RBMS1: variants seen among roughly 807,000 people sequenced by gnomAD.
RBMS1 encodes the protein RNA binding motif single stranded interacting protein 1.
In RBMS1, 17 loss-of-function variants were observed where a neutral mutation model predicts 62.3. The ratio of observed to expected loss-of-function variants is 0.27; its 90% CI spans 0.19 to 0.41. RBMS1 has a LOEUF of 0.41. Among genes scored for constraint, RBMS1 ranks in the 10% least tolerant of loss-of-function variants. The probability of loss-of-function intolerance (pLI) is 1.00; values close to 1 mark genes in which losing one functional copy is unlikely to be tolerated. For synonymous variants in RBMS1, 172 were observed against 170.0 expected (o/e 1.01, Z -0.09); for missense variants, 334 against 504.5 (o/e 0.66, Z 3.24).
intron 1 of RBMS1, among the ~76,000 whole-genome samples, chr2:160,481,982 A>C (rs1454261271): frequency 6.6e-6 from 1 of 152,228 alleles, no homozygotes; most frequent in Non-Finnish European, 1.5e-5. Context: ...GAGTAAGTGC[A>C]TATGTTGAAC....
chr2:160,480,978 G>A, intron 1 of RBMS1, among the ~76,000 whole-genome samples: 1 of 151,400 alleles, frequency 6.6e-6, no homozygotes, highest in East Asian at 1.9e-4. Flanking sequence ...CTACTCAAGA[G>A]GCTGAGGCAT....
At chr2:160,439,230 C>T (rs1004009056) in intron 1 of RBMS1, among the ~76,000 whole-genome samples, 2 of 151,876 alleles carry the variant, frequency 1.3e-5, no homozygotes, top group South Asian at 2.1e-4. Context: ...AGGTGGCTGC[C>T]GGACGGAGAC....
chr2:160,483,352 CATT>C (rs1311654706), intron 1 of RBMS1, among the ~76,000 whole-genome samples: 8 of 152,290 alleles, frequency 5.3e-5, no homozygotes, highest in African/African-American at 1.7e-4. Flanking sequence ...GTTTCAATCT[CATT>C]AGGAGTATAC....
intron 1 of RBMS1, among the ~76,000 whole-genome samples, chr2:160,445,964 G>A (rs1574068955): frequency 6.6e-6 from 1 of 151,680 alleles, no homozygotes; most frequent in Non-Finnish European, 1.5e-5. Flanking sequence ...ATCTGGCTAT[G>A]TTAACTGGAT....
chr2:160,353,941 C>T (rs1692656707), intron 2 of RBMS1, among the ~76,000 whole-genome samples: 1 of 152,058 alleles, frequency 6.6e-6, no homozygotes, highest in Admixed American at 6.6e-5. Flanking sequence ...TTATGATTAT[C>T]CCGACTTTAT....
chr2:160,466,904 C>G (rs964478950), intron 1 of RBMS1, among the ~76,000 whole-genome samples: 1 of 152,174 alleles, frequency 6.6e-6, no homozygotes, highest in African/African-American at 2.4e-5. Flanking sequence ...CCCCAGCCTC[C>G]TCTTATGTAA....
intron 4 of RBMS1, among the ~76,000 whole-genome samples, chr2:160,306,676 C>T (rs1238595194): frequency 6.7e-6 from 1 of 149,794 alleles, no homozygotes; most frequent in African/African-American, 2.4e-5. Context: ...CACAAAATAA[C>T]AAAGTGTCCA....
At chr2:160,478,164 C>T (rs991243259) in intron 1 of RBMS1, among the ~76,000 whole-genome samples, 1 of 152,230 alleles carries the variant, frequency 6.6e-6, no homozygotes, top group Non-Finnish European at 1.5e-5. Context: ...TAATGGTACA[C>T]ATACAACTTA....
At chr2:160,313,521 G>C (rs865854463) in intron 3 of RBMS1, among the ~76,000 whole-genome samples, 2 of 151,600 alleles carry the variant, frequency 1.3e-5, no homozygotes, top group Admixed American at 1.3e-4. Context: ...ATTTACTGGT[G>C]GGGGGGAGAC....
rs540976432 is a variant in RBMS1 at position 160,430,713 on chromosome 2, C to T, written c.75+62576G>A. Among the ~76,000 whole-genome samples the T allele has an allele frequency of 4.6e-5, 7 of 152,266 alleles. No individual in the cohort carries two copies. The South Asian group carries it at 1.2e-3, about 27-fold the overall frequency. ...GGACCTGTGCCTCTTTATTTATGCA[C>T]ACCTCTAGCTGTGTTTTGATGTTTG... On this transcript the variant is annotated intron_variant, in intron 1 of 13. Coordinates refer to ENST00000348849, the MANE Select transcript of RBMS1 (RefSeq NM_016836.4).
At chr2:160,410,566 A>AT (rs1559520853) in intron 1 of RBMS1, among the ~76,000 whole-genome samples, 1 of 152,244 alleles carries the variant, frequency 6.6e-6, no homozygotes, top group African/African-American at 2.4e-5. Flanking sequence ...TAGATTATTC[A>AT]TAAGTGCTTA....
chr2:160,414,059 C>T (rs1381641139), intron 1 of RBMS1, among the ~76,000 whole-genome samples: 1 of 152,224 alleles, frequency 6.6e-6, no homozygotes, highest in African/African-American at 2.4e-5. Flanking sequence ...CTGGCTTCAC[C>T]ATTTACCATC....
chr2:160,336,208 G>T (rs1691559559), intron 2 of RBMS1, among the ~76,000 whole-genome samples: 1 of 152,194 alleles, frequency 6.6e-6, no homozygotes, highest in Non-Finnish European at 1.5e-5. Flanking sequence ...CCAGAGTGCA[G>T]TTTGGCAATC....
Position 160,318,229 on chromosome 2 carries a change from T to TAAAAAAAAAAAAAAAAAAGA in RBMS1, c.252-3_252-2insTCTTTTTTTTTTTTTTTTTT. 1 of 1,163,254 alleles carries TAAAAAAAAAAAAAAAAAAGA rather than the reference T, an allele frequency of 8.6e-7. No individual in the cohort carries two copies. 72.1% of individuals were successfully genotyped at this position (1,163,254 alleles called of 1,614,324 possible). On this transcript the variant is annotated splice_polypyrimidine_tract_variant and splice_region_variant and intron_variant, in intron 2 of 13. Transcript: ENST00000348849. ...TTTGTGGAGACTATTTTCCCATATCTAAAAAAAAAAAAAAAAAAAAAAAGG... is the reference window on the plus strand; with the variant it reads ...TTTGTGGAGACTATTTTCCCATATCTAAAAAAAAAAAAAAAAAAGAAAAAAAAAAAAAAAAAAAAAAAAGG...
At chr2:160,424,169 C>T (rs570689185) in intron 1 of RBMS1, among the ~76,000 whole-genome samples, 110 of 152,032 alleles carry the variant, frequency 7.2e-4, no homozygotes, top group Middle Eastern at 3.4e-3. Context: ...CAGGCGCCCG[C>T]CACCACACGC....
At chr2:160,352,603 G>C (rs1358207244) in intron 2 of RBMS1, among the ~76,000 whole-genome samples, 1 of 152,094 alleles carries the variant, frequency 6.6e-6, no homozygotes, top group Non-Finnish European at 1.5e-5. Context: ...CTATCTCTTT[G>C]TATAAGTGAG....
intron 2 of RBMS1, among the ~76,000 whole-genome samples, chr2:160,321,257 G>A (rs1183671067): frequency 6.6e-6 from 1 of 152,112 alleles, no homozygotes; most frequent in Non-Finnish European, 1.5e-5. Flanking sequence ...CTCTGCCAGT[G>A]CACCTCCCTT....
At chr2:160,288,747 T>C (rs1688533471) in intron 6 of RBMS1, among the ~76,000 whole-genome samples, 1 of 152,344 alleles carries the variant, frequency 6.6e-6, no homozygotes, top group East Asian at 1.9e-4. Context: ...GTGGTGCTGG[T>C]ACATAGTGGG....
chr2:160,401,618 T>C (rs779920853), intron 1 of RBMS1, among the ~76,000 whole-genome samples: 4 of 152,178 alleles, frequency 2.6e-5, no homozygotes, highest in Non-Finnish European at 5.9e-5. Flanking sequence ...TTCTGAGTAA[T>C]GCAAAGACGA....
Sources: gnomAD v4.1 joint callset for allele counts (sites outside exome capture counted in the v4.1 genomes callset) on GRCh38, gnomAD v4.1.1 for gene constraint, MANE v1.5 for transcripts, NCBI Gene and HGNC (gene_info 2026-07-23, HGNC 2026-07-21) for gene names.